CHRM3: variants seen among roughly 807,000 people sequenced by gnomAD.
The protein encoded by CHRM3 is cholinergic receptor muscarinic 3.
A neutral mutation model predicts 41.8 loss-of-function variants in CHRM3; 11 were observed. That is an observed-to-expected ratio of 0.26 (90% CI 0.17 to 0.44). CHRM3 has a LOEUF of 0.44. CHRM3 is among the 20% of genes least tolerant of loss of function. CHRM3 has a pLI of 1.00. For synonymous variants in CHRM3, 297 were observed against 301.4 expected (o/e 0.99, Z 0.15); for missense variants, 571 against 745.4 (o/e 0.77, Z 2.72).
At chr1:239,672,501 G>A (rs1303436511) in intron 4 of CHRM3, among the ~76,000 whole-genome samples, 8 of 152,054 alleles carry the variant, frequency 5.3e-5, no homozygotes, top group Non-Finnish European at 1.2e-4. Context: ...TGGATAAGGA[G>A]CCACATGCCA....
intron 3 of CHRM3, among the ~76,000 whole-genome samples, chr1:239,549,211 A>G (rs535884208): frequency 1.6e-4 from 25 of 152,250 alleles, no homozygotes; most frequent in African/African-American, 6.0e-4. Flanking sequence ...GGAATTTAAG[A>G]TGAGATTTTG....
chr1:239,400,445 C>T (rs973741796), intron 1 of CHRM3, among the ~76,000 whole-genome samples: 3 of 152,050 alleles, frequency 2.0e-5, no homozygotes, highest in African/African-American at 4.8e-5. Context: ...CATGCAGAAA[C>T]GTTTTCTCTT....
chr1:239,717,930 A>G (rs758351382), intron 5 of CHRM3, among the ~76,000 whole-genome samples: 35 of 152,070 alleles, frequency 2.3e-4, no homozygotes, highest in Non-Finnish European at 4.9e-4. Context: ...ACAACAGGAT[A>G]GGGAAGCTGA....
intron 6 of CHRM3, among the ~76,000 whole-genome samples, chr1:239,835,015 T>C (rs1673196912): frequency 6.6e-6 from 1 of 152,204 alleles, no homozygotes. Flanking sequence ...AATTAGTTCA[T>C]TTTCATTACT....
At chr1:239,435,531 G>A (rs1663188107) in intron 1 of CHRM3, among the ~76,000 whole-genome samples, 1 of 151,654 alleles carries the variant, frequency 6.6e-6, no homozygotes. Context: ...GAAATCCCAA[G>A]GAAATACTGA....
chr1:239,425,372 GTA>G (rs534686510), intron 1 of CHRM3, among the ~76,000 whole-genome samples: 149 of 151,984 alleles, frequency 9.8e-4, no homozygotes, highest in Admixed American at 1.5e-3. Flanking sequence ...TTTATATCAA[GTA>G]CTCCTGCAAA....
At chr1:239,660,860 G>A (rs1673134562) in intron 4 of CHRM3, among the ~76,000 whole-genome samples, 1 of 152,164 alleles carries the variant, frequency 6.6e-6, no homozygotes, top group African/African-American at 2.4e-5. Context: ...CAGCCTGGGT[G>A]ACAGAGAGAG....
intron 5 of CHRM3, among the ~76,000 whole-genome samples, chr1:239,689,655 G>T (rs1428717394): frequency 6.6e-6 from 1 of 152,096 alleles, no homozygotes; most frequent in Non-Finnish European, 1.5e-5. Flanking sequence ...TCCTAACAGC[G>T]GGATATCTAT....
intron 1 of CHRM3, among the ~76,000 whole-genome samples, chr1:239,474,164 A>G (rs1666318830): frequency 6.6e-6 from 1 of 152,108 alleles, no homozygotes; most frequent in Non-Finnish European, 1.5e-5. Flanking sequence ...TAAAAAGAGT[A>G]ACTAAAGCAC....
intron 2 of CHRM3, among the ~76,000 whole-genome samples, chr1:239,517,732 G>T (rs1377839865): frequency 1.3e-5 from 2 of 151,996 alleles, no homozygotes; most frequent in Non-Finnish European, 2.9e-5. Context: ...AGCATTTTTT[G>T]AAAGACTCAT....
In CHRM3 at chr1:239,685,875, G is replaced by A. The variant is rs537430174; in HGVS notation, c.-147+7587G>A. The stretch of plus-strand genomic sequence containing the variant: ...ACAAAAAACAAACAAAAAAAACTGT[G>A]TTCTGTCATTGACTCCCTGTCACTG... On this transcript the variant is annotated intron_variant, in intron 5 of 6. Coordinates refer to ENST00000676153, the MANE Select transcript of CHRM3 (RefSeq NM_001375978.1). Among the ~76,000 whole-genome samples the A allele has an allele frequency of 1.1e-4, 16 of 152,026 alleles. No homozygotes were observed. The South Asian group carries it at 3.1e-3, about 30-fold the overall frequency.
intron 5 of CHRM3, among the ~76,000 whole-genome samples, chr1:239,795,282 A>C (rs1435902114): frequency 2.0e-5 from 3 of 152,196 alleles, no homozygotes; most frequent in Non-Finnish European, 4.4e-5. Flanking sequence ...TTACTAACCA[A>C]GGTGGATTTA....
chr1:239,812,103 T>C (rs1213293851), intron 5 of CHRM3, among the ~76,000 whole-genome samples: 1 of 152,186 alleles, frequency 6.6e-6, no homozygotes. Flanking sequence ...GCAGTTGCAC[T>C]ATCTCAGCTC....
At chr1:239,515,120 T>G (rs942812096) in intron 2 of CHRM3, among the ~76,000 whole-genome samples, 4 of 152,112 alleles carry the variant, frequency 2.6e-5, no homozygotes, top group African/African-American at 9.6e-5. Flanking sequence ...CAATATGTTT[T>G]CTCACAGATC....
intron 5 of CHRM3, among the ~76,000 whole-genome samples, chr1:239,697,230 C>T (rs1208520154): frequency 1.3e-5 from 2 of 152,104 alleles, no homozygotes; most frequent in Non-Finnish European, 2.9e-5. Flanking sequence ...GGGGGCAGGT[C>T]TTTCCCATGC....
chr1:239,662,562 T>A (rs999655859), intron 4 of CHRM3, among the ~76,000 whole-genome samples: 1 of 152,096 alleles, frequency 6.6e-6, no homozygotes, highest in African/African-American at 2.4e-5. Context: ...CAAAGCAATA[T>A]CAAGCCTAAT....
intron 1 of CHRM3, among the ~76,000 whole-genome samples, chr1:239,431,891 G>A (rs1029335648): frequency 1.3e-5 from 2 of 152,044 alleles, no homozygotes; most frequent in Non-Finnish European, 1.5e-5. Context: ...ACTTAAATCT[G>A]CCAGAGCACT....
At chr1:239,881,278 G>T (rs372153541) in intron 6 of CHRM3, among the ~76,000 whole-genome samples, 703 of 8,446 alleles carry the variant, frequency 0.083, 8 homozygotes, top group Middle Eastern at 0.38. Flanking sequence ...GTGAGACTCC[G>T]TCTCAAAAAA....
At position 239,607,593 on chromosome 1, in the gene CHRM3, A is replaced by G. The variant is rs535704007; in HGVS notation, c.-312-24631A>G. Among the ~76,000 whole-genome samples the G allele has an allele frequency of 9.2e-5, 14 of 152,276 alleles. No homozygotes were observed. In the South Asian group the frequency reaches 2.9e-3, roughly 32 times the overall value. The stretch of plus-strand genomic sequence containing the variant: ...ACCCTTACTAGGCCTTTTCTTTCTC[A>G]TGGGAGTTTTTTTACATGTAAATTA... On this transcript the variant is annotated intron_variant, in intron 3 of 6. Coordinates refer to ENST00000676153, the MANE Select transcript of CHRM3 (RefSeq NM_001375978.1).
Sources: allele counts gnomAD v4.1 joint callset (sites outside exome capture counted in the v4.1 genomes callset), GRCh38; gene constraint gnomAD v4.1.1; transcripts MANE v1.5; gene names NCBI Gene and HGNC (gene_info 2026-07-23, HGNC 2026-07-21).